The following POLB variants were observed in gnomAD, a reference collection of about 807,000 sequenced individuals.
The protein encoded by POLB is DNA polymerase beta.
In POLB, 37 loss-of-function variants were observed where a neutral mutation model predicts 52.7. The observed-to-expected ratio is 0.70, with a 90% CI of 0.54 to 0.92. The LOEUF (loss-of-function observed/expected upper bound fraction) is 0.92, where lower values mean the gene tolerates loss of function less well. Among genes scored for constraint, POLB ranks in the 40% least tolerant of loss-of-function variants. POLB has a pLI of 0.00. For missense variants in POLB, 313 were observed against 400.8 expected, an observed-to-expected ratio of 0.78 and a Z score of 1.87; for synonymous variants, 138 against 131.3, an observed-to-expected ratio of 1.05 and a Z score of -0.35.
At chr8:42,351,662 C>G (rs1209397012) in intron 5 of POLB, among the ~76,000 whole-genome samples, 1 of 152,222 alleles carries the variant, frequency 6.6e-6, no homozygotes, top group Non-Finnish European at 1.5e-5. Flanking sequence ...TGTCCCCATC[C>G]TATAAGAGCA....
intron 11 of POLB, among the ~76,000 whole-genome samples, chr8:42,367,600 C>T (rs1824124197): frequency 6.6e-6 from 1 of 151,818 alleles, no homozygotes; most frequent in Admixed American, 6.6e-5. Context: ...TTTGCAAAAC[C>T]TCTTCTTGCT....
intron 4 of POLB, 174 bp downstream of exon 4, chr8:42,349,264 G>A: frequency 3.9e-6 from 2 of 506,656 alleles, no homozygotes; most frequent in East Asian, 6.6e-5. Flanking sequence ...ATGTTCACTT[G>A]TTTTATGTGG....
At chr8:42,354,177 G>A (rs909808783) in intron 6 of POLB, among the ~76,000 whole-genome samples, 12 of 152,152 alleles carry the variant, frequency 7.9e-5, no homozygotes, top group Non-Finnish European at 1.6e-4. Flanking sequence ...TACAACTGTT[G>A]ATATCTATAA....
chr8:42,369,975 C>G lies in POLB; in HGVS notation c.900C>G (p.Pro300=). The G allele has an allele frequency of 6.2e-7, 1 of 1,609,362 alleles. No homozygotes were observed. Among genetic ancestry groups the G allele is most frequent in the African/African-American group, 1.3e-5 (1 of 74,904 alleles). The change falls in exon 13 of 14, where the codon CCC becomes CCG. Residue 300 remains proline, a synonymous_variant. Coordinates refer to ENST00000265421, the MANE Select transcript of POLB (RefSeq NM_002690.3). ...GFTINEYTIR[P]LGVTGVAGEP... ...CAATCAATGAGTACACCATCCGTCC[C>G]TTGGGAGTCACTGGTGAGTGTCCAT...
chr8:42,371,534 AC>A, intron 13 of POLB, 28 bp from the exon 14 acceptor site: 1 of 1,342,972 alleles, frequency 7.4e-7, no homozygotes, highest in African/African-American at 1.9e-5. Context: ...ACTGGTTCTT[AC>A]AATAAGTTTT....
At chr8:42,344,199 G>GT (rs1354080496) in intron 2 of POLB, among the ~76,000 whole-genome samples, 2 of 148,190 alleles carry the variant, frequency 1.3e-5, no homozygotes, top group African/African-American at 5.0e-5. Context: ...ATCCTAGCTG[G>GT]TTCACACCTG....
At chr8:42,363,965 C>T (rs1211262867) in intron 11 of POLB, among the ~76,000 whole-genome samples, 1 of 131,590 alleles carries the variant, frequency 7.6e-6, no homozygotes, top group Non-Finnish European at 1.6e-5. Flanking sequence ...TCACTCTTGT[C>T]ACCCGGGCTG....
intron 9 of POLB, 136 bp from the exon 10 acceptor site, chr8:42,361,159 T>C (rs1823654605): frequency 1.4e-6 from 1 of 720,210 alleles, no homozygotes; most frequent in African/African-American, 1.7e-5. Flanking sequence ...TTTAACTAAT[T>C]CTAACTATGA....
At chr8:42,355,289 C>T (rs1259313991) in intron 6 of POLB, among the ~76,000 whole-genome samples, 4 of 152,254 alleles carry the variant, frequency 2.6e-5, no homozygotes, top group South Asian at 2.1e-4. Context: ...CCGCCCGCCT[C>T]GGCCTCCCAA....
rs1824269829 is a variant in POLB, at chr8:42,369,878, GTGT to G, written c.805_807del (p.Val269del). 6.2e-7 allele frequency: 1 copy of G among 1,605,376 alleles called. No homozygotes were observed. ...ATACCCAAAGATCAGTATTACTGTG[GTGT>G]TCTCTATTTCACTGGGAGTGATATT... is the stretch of plus-strand genomic sequence containing the variant. On this transcript the variant is annotated inframe_deletion, in exon 13 of 14. Transcript: ENST00000265421.
chr8:42,347,393 T>G (rs1407991838), intron 3 of POLB, among the ~76,000 whole-genome samples: 3 of 139,958 alleles, frequency 2.1e-5, no homozygotes, highest in Non-Finnish European at 3.1e-5. Context: ...CTAGAATTAC[T>G]CCTCAGTAAT....
intron 2 of POLB, chr8:42,339,347 A>G (rs1822048406): frequency 4.4e-6 from 2 of 449,812 alleles, no homozygotes; most frequent in Non-Finnish European, 8.1e-6. Context: ...TGTAATTTTA[A>G]CCGTAATGAA....
intron 11 of POLB, among the ~76,000 whole-genome samples, chr8:42,363,584 T>C (rs944570665): frequency 1.3e-5 from 2 of 151,556 alleles, no homozygotes; most frequent in African/African-American, 4.8e-5. Flanking sequence ...ATAATCTGCT[T>C]TTTGAAAATA....
chr8:42,352,606 A>G, intron 6 of POLB, 38 bp downstream of exon 6: 1 of 1,249,868 alleles, frequency 8.0e-7, no homozygotes. Flanking sequence ...CAGATTAAAT[A>G]TGGTCCTGAA....
rs549081235 is a variant in POLB at position 42,357,003 on chromosome 8, C to T, written c.423-166C>T. On this transcript the variant is annotated intron_variant, in intron 7 of 13. Coordinates refer to ENST00000265421, the MANE Select transcript of POLB (RefSeq NM_002690.3). ...TTAGGAATAAACCTCCCCCCATTCA[C>T]TCCACCCCCAATTTTGCTGTTGTCA... is the stretch of plus-strand genomic sequence containing the variant. Among the ~76,000 whole-genome samples, 132 of 152,154 alleles carry T rather than the reference C, an allele frequency of 8.7e-4. 1 individual carries two copies. Among genetic ancestry groups the T allele is most frequent in the South Asian group, 8.5e-3 (41 of 4,816 alleles).
chr8:42,342,386 G>C, intron 2 of POLB: 1 of 1,479,062 alleles, frequency 6.8e-7, no homozygotes, highest in South Asian at 1.1e-5. Flanking sequence ...CCATATTTTG[G>C]CAGTTCGTGT....
At chr8:42,345,835 TA>T (rs1466457378) in intron 3 of POLB, among the ~76,000 whole-genome samples, 2 of 152,220 alleles carry the variant, frequency 1.3e-5, no homozygotes, top group Admixed American at 1.3e-4. Context: ...TTGTCTCATC[TA>T]AATCTTACTA....
chr8:42,342,096 A>G, intron 2 of POLB: 1 of 1,170,292 alleles, frequency 8.5e-7, no homozygotes, highest in Non-Finnish European at 1.3e-6. Flanking sequence ...TTGCTTTCAG[A>G]ATCATAACCA....
chr8:42,369,552 A>T, intron 12 of POLB: 1 of 519,484 alleles, frequency 1.9e-6, no homozygotes, highest in Middle Eastern at 2.8e-4. Flanking sequence ...TTTGCACCTC[A>T]CCATGATGCC....
Sources: gnomAD v4.1 joint callset for allele counts (sites outside exome capture counted in the v4.1 genomes callset) on GRCh38, gnomAD v4.1.1 for gene constraint, MANE v1.5 for transcripts, NCBI Gene and HGNC (gene_info 2026-07-23, HGNC 2026-07-21) for gene names.